The following CELF4 variants were observed in gnomAD, a reference collection of about 807,000 sequenced individuals.
CELF4 encodes the protein CUG-BP- and ETR-3-like factor 4.
CELF4 carries 18 observed loss-of-function variants against 59.9 expected under a neutral mutation model. The ratio of observed to expected loss-of-function variants is 0.30; its 90% CI spans 0.21 to 0.45. CELF4 has a LOEUF of 0.45. CELF4 is among the 20% of genes least tolerant of loss of function. The pLI, the probability that CELF4 is intolerant of heterozygous loss-of-function variation, is 1.00. For synonymous variants in CELF4, 261 were observed against 267.1 expected (o/e 0.98, Z 0.22); for missense variants, 456 against 689.0 (o/e 0.66, Z 3.79).
intron 2 of CELF4, among the ~76,000 whole-genome samples, chr18:37,338,533 G>A (rs2097861420): frequency 6.6e-6 from 1 of 152,194 alleles, no homozygotes; most frequent in Non-Finnish European, 1.5e-5. Flanking sequence ...GTGCTGGGGT[G>A]GCGGGGGGGC....
intron 2 of CELF4, among the ~76,000 whole-genome samples, chr18:37,470,435 G>C (rs1476908577): frequency 1.3e-5 from 2 of 152,186 alleles, no homozygotes; most frequent in Non-Finnish European, 2.9e-5. Context: ...GATGCTAATG[G>C]AAATGGGTGT....
chr18:37,435,002 C>T (rs2154600919), intron 2 of CELF4, among the ~76,000 whole-genome samples: 1 of 152,218 alleles, frequency 6.6e-6, no homozygotes, highest in Admixed American at 6.5e-5. Context: ...GGCAAGTCCA[C>T]AGGAGGGGGG....
chr18:37,466,111 G>A (rs1030472742), intron 2 of CELF4, among the ~76,000 whole-genome samples: 1 of 152,182 alleles, frequency 6.6e-6, no homozygotes, highest in African/African-American at 2.4e-5. Context: ...CAGCTAAGTC[G>A]CGCCTGCTCT....
At chr18:37,550,400 C>G (rs1414301087) in intron 1 of CELF4, among the ~76,000 whole-genome samples, 1 of 152,148 alleles carries the variant, frequency 6.6e-6, no homozygotes, top group Non-Finnish European at 1.5e-5. Context: ...ACATCCCACC[C>G]ATGCTGTGGT....
intron 2 of CELF4, among the ~76,000 whole-genome samples, chr18:37,340,071 T>C (rs951410013): frequency 2.6e-5 from 4 of 152,206 alleles, no homozygotes; most frequent in East Asian, 3.9e-4. Flanking sequence ...TGTCATGTGA[T>C]TGAAATGGGG....
intron 2 of CELF4, among the ~76,000 whole-genome samples, chr18:37,369,910 T>C (rs2098838440): frequency 6.6e-6 from 1 of 152,210 alleles, no homozygotes; most frequent in African/African-American, 2.4e-5. Flanking sequence ...GAGCTGTGCC[T>C]GTCTCCTCCT....
At chr18:37,477,998 G>T (rs574444875) in intron 2 of CELF4, among the ~76,000 whole-genome samples, 9 of 152,328 alleles carry the variant, frequency 5.9e-5, no homozygotes, top group African/African-American at 2.2e-4. Flanking sequence ...GGAGCAGGCA[G>T]TCTGGCTGCT....
chr18:37,521,165 A>ACT (rs999475269), intron 1 of CELF4, among the ~76,000 whole-genome samples: 5 of 151,650 alleles, frequency 3.3e-5, no homozygotes, highest in Admixed American at 6.6e-5. Context: ...TGGCCCTATC[A>ACT]CTCTCTCTCT....
At position 37,383,254 on chromosome 18, in the gene CELF4, C is replaced by T. The variant is rs548703696; in HGVS notation, c.370-61373G>A. On this transcript the variant is annotated intron_variant, in intron 2 of 12. Coordinates refer to ENST00000420428, the MANE Select transcript of CELF4 (RefSeq NM_020180.4). ...AGGCCTGGCAGACCAGGCAGAGCAG[C>T]GGCCACTGGGTGAAGCAGGAGGCTC... Among the ~76,000 whole-genome samples the T allele has an allele frequency of 3.3e-5, 5 of 152,178 alleles. No homozygotes were observed. In the South Asian group the frequency reaches 1.0e-3, roughly 32 times the overall value.
chr18:37,478,341 G>T (rs2099856443), intron 2 of CELF4, among the ~76,000 whole-genome samples: 1 of 152,182 alleles, frequency 6.6e-6, no homozygotes, highest in Non-Finnish European at 1.5e-5. Flanking sequence ...ATTATCTCAT[G>T]TGCCCTCTTG....
At chr18:37,267,592 G>A (rs1226025114) in intron 8 of CELF4, among the ~76,000 whole-genome samples, 3 of 152,186 alleles carry the variant, frequency 2.0e-5, no homozygotes. Context: ...GATGTGGCAG[G>A]AAGAAACTAT....
chr18:37,284,311 C>T (rs2094518687), intron 3 of CELF4, among the ~76,000 whole-genome samples: 1 of 151,454 alleles, frequency 6.6e-6, no homozygotes, highest in South Asian at 2.1e-4. Context: ...AATGCACATA[C>T]ACACACACAC....
At chr18:37,312,106 G>A (rs111894673) in intron 3 of CELF4, among the ~76,000 whole-genome samples, 5 of 104,882 alleles carry the variant, frequency 4.8e-5, no homozygotes, top group African/African-American at 1.7e-4. Flanking sequence ...GCGAGATTCC[G>A]TCTCAAAAAA....
intron 3 of CELF4, among the ~76,000 whole-genome samples, chr18:37,309,023 G>A (rs1239822385): frequency 6.6e-6 from 1 of 152,142 alleles, no homozygotes; most frequent in African/African-American, 2.4e-5. Flanking sequence ...TTTGACCTGG[G>A]CAGGTCCAGC....
intron 3 of CELF4, among the ~76,000 whole-genome samples, chr18:37,315,918 T>G (rs921495428): frequency 6.6e-6 from 1 of 152,140 alleles, no homozygotes; most frequent in African/African-American, 2.4e-5. Flanking sequence ...GCCATGGTAG[T>G]CAGAGCCTCT....
intron 2 of CELF4, among the ~76,000 whole-genome samples, chr18:37,419,792 A>G (rs2099561909): frequency 6.6e-6 from 1 of 152,120 alleles, no homozygotes. Context: ...TTTAAGGACA[A>G]AGAGAGAACC....
At chr18:37,343,186 C>A (rs1198847592) in intron 2 of CELF4, among the ~76,000 whole-genome samples, 1 of 152,154 alleles carries the variant, frequency 6.6e-6, no homozygotes, top group African/African-American at 2.4e-5. Flanking sequence ...CCCTTACTTT[C>A]TGAATTTTAG....
chr18:37,391,798 C>A (rs1407146736), intron 2 of CELF4, among the ~76,000 whole-genome samples: 1 of 152,182 alleles, frequency 6.6e-6, no homozygotes, highest in Admixed American at 6.5e-5. Flanking sequence ...GGGGGAGATT[C>A]AGGACACAAG....
At chr18:37,314,956 G>A (rs1332161092) in intron 3 of CELF4, among the ~76,000 whole-genome samples, 2 of 152,196 alleles carry the variant, frequency 1.3e-5, no homozygotes, top group Non-Finnish European at 2.9e-5. Context: ...CCAGAAGTGT[G>A]TTGTCGGCCG....
Sources: allele counts gnomAD v4.1 joint callset (sites outside exome capture counted in the v4.1 genomes callset), GRCh38; gene constraint gnomAD v4.1.1; transcripts MANE v1.5; gene names NCBI Gene and HGNC (gene_info 2026-07-23, HGNC 2026-07-21).